Variants in GPC5 observed in about 807,000 individuals in gnomAD.
GPC5 encodes glypican-5.
A neutral mutation model predicts 53.9 loss-of-function variants in GPC5; 47 were observed. That is an observed-to-expected ratio of 0.87 (90% CI 0.69 to 1.11). GPC5 has a LOEUF of 1.11. Ranked by LOEUF, GPC5 falls within the 50% of genes most tolerant of loss-of-function variation. The probability of loss-of-function intolerance (pLI) is 0.00; values close to 1 mark genes in which losing one functional copy is unlikely to be tolerated. For missense variants in GPC5, 748 were observed against 713.1 expected, an observed-to-expected ratio of 1.05 and a Z score of -0.56; for synonymous variants, 286 against 263.3, an observed-to-expected ratio of 1.09 and a Z score of -0.84.
intron 7 of GPC5, among the ~76,000 whole-genome samples, chr13:92,259,032 G>T (rs1458598335): frequency 2.6e-5 from 4 of 152,170 alleles, no homozygotes. Context: ...CCATTCAAGG[G>T]AGTATAAAAT....
intron 6 of GPC5, among the ~76,000 whole-genome samples, chr13:92,072,865 C>T (rs1378455007): frequency 6.6e-6 from 1 of 152,100 alleles, no homozygotes; most frequent in Non-Finnish European, 1.5e-5. Flanking sequence ...AGCACCATGA[C>T]CAACCAAGAG....
chr13:92,277,590 A>G (rs1259189273), intron 7 of GPC5, among the ~76,000 whole-genome samples: 1 of 152,034 alleles, frequency 6.6e-6, no homozygotes, highest in African/African-American at 2.4e-5. Flanking sequence ...AAAAAGATCA[A>G]TAGAATAAGA....
At chr13:92,543,426 G>T (rs749306126) in intron 7 of GPC5, among the ~76,000 whole-genome samples, 4 of 141,428 alleles carry the variant, frequency 2.8e-5, no homozygotes, top group Non-Finnish European at 6.5e-5. Flanking sequence ...TTATTTTGAT[G>T]TTTTTTTTCT....
intron 7 of GPC5, among the ~76,000 whole-genome samples, chr13:92,342,197 G>A (rs547304779): frequency 6.6e-6 from 1 of 152,022 alleles, no homozygotes; most frequent in East Asian, 1.9e-4. Flanking sequence ...CTATTCAGTT[G>A]CCTGCTTTCG....
At chr13:92,043,114 C>T (rs548041231) in intron 6 of GPC5, among the ~76,000 whole-genome samples, 14 of 151,956 alleles carry the variant, frequency 9.2e-5, no homozygotes, top group Admixed American at 6.6e-4. Flanking sequence ...AACAGAATAT[C>T]GAAGACGTGT....
intron 6 of GPC5, among the ~76,000 whole-genome samples, chr13:91,925,093 A>G (rs2039754486): frequency 6.6e-6 from 1 of 152,196 alleles, no homozygotes; most frequent in Non-Finnish European, 1.5e-5. Flanking sequence ...TGCCGGGATT[A>G]CAGGCGTGAG....
At chr13:91,775,601 G>C (rs2037698448) in intron 5 of GPC5, among the ~76,000 whole-genome samples, 1 of 152,126 alleles carries the variant, frequency 6.6e-6, no homozygotes, top group African/African-American at 2.4e-5. Context: ...TCTATGGTTT[G>C]GGGCAGGCAT....
At chr13:92,192,432 T>A (rs1484376549) in intron 7 of GPC5, among the ~76,000 whole-genome samples, 1 of 152,184 alleles carries the variant, frequency 6.6e-6, no homozygotes, top group Non-Finnish European at 1.5e-5. Context: ...ATGGAGCTCA[T>A]TTTTCAAGGA....
At chr13:92,344,976 G>A (rs192797227) in intron 7 of GPC5, among the ~76,000 whole-genome samples, 9 of 152,180 alleles carry the variant, frequency 5.9e-5, no homozygotes, top group African/African-American at 2.2e-4. Flanking sequence ...CAAAAGAAAA[G>A]CAATATGATG....
At chr13:92,203,763 A>AG (rs2042313040) in intron 7 of GPC5, among the ~76,000 whole-genome samples, 1 of 151,172 alleles carries the variant, frequency 6.6e-6, no homozygotes, top group East Asian at 1.9e-4. Context: ...AGGAAAAAAA[A>AG]AAAATCAGCA....
chr13:92,025,056 T>A (rs2040789664), intron 6 of GPC5, among the ~76,000 whole-genome samples: 1 of 152,178 alleles, frequency 6.6e-6, no homozygotes, highest in Non-Finnish European at 1.5e-5. Flanking sequence ...AACTAATCTC[T>A]ACCCTTTCTT....
chr13:91,935,541 A>C (rs934119408), intron 6 of GPC5, among the ~76,000 whole-genome samples: 1 of 151,916 alleles, frequency 6.6e-6, no homozygotes, highest in Admixed American at 6.6e-5. Flanking sequence ...TAGAATTGTA[A>C]AGAAATGATA....
intron 1 of GPC5, among the ~76,000 whole-genome samples, chr13:91,435,842 T>C (rs1879897472): frequency 6.6e-6 from 1 of 152,212 alleles, no homozygotes; most frequent in African/African-American, 2.4e-5. Context: ...TGGTAAGCCA[T>C]TAATTATTGC....
At position 91,632,024 on chromosome 13, in the gene GPC5, G is replaced by A. The variant is rs189213343; in HGVS notation, c.326-61163G>A. On this transcript the variant is annotated intron_variant, in intron 2 of 7. Transcript: ENST00000377067. ...GTATCAGAAGCACTAGCTAGAAATA[G>A]TAAAGTCTAGGGGAGGTAAAACCTC... Among the ~76,000 whole-genome samples the A allele has an allele frequency of 3.0e-3, 452 of 152,218 alleles. 2 individuals carry two copies. Among genetic ancestry groups the A allele is most frequent in the Middle Eastern group, 0.017 (5 of 294 alleles).
intron 7 of GPC5, among the ~76,000 whole-genome samples, chr13:92,425,316 A>G (rs1299927540): frequency 6.6e-6 from 1 of 152,090 alleles, no homozygotes; most frequent in African/African-American, 2.4e-5. Flanking sequence ...TTCTAGATGT[A>G]GTAAAAGTTT....
chr13:91,725,412 C>T (rs533458389), intron 3 of GPC5, among the ~76,000 whole-genome samples: 22 of 152,110 alleles, frequency 1.4e-4, no homozygotes, highest in African/African-American at 5.1e-4. Context: ...AAGGTGCCAC[C>T]CAAATTGGCT....
intron 2 of GPC5, among the ~76,000 whole-genome samples, chr13:91,588,627 C>T (rs968848574): frequency 5.9e-5 from 9 of 152,128 alleles, no homozygotes; most frequent in Admixed American, 1.3e-4. Context: ...CATACATCTT[C>T]ACCTATCCTT....
chr13:92,721,579 T>A (rs1388915999), intron 7 of GPC5: 1 of 152,040 alleles, frequency 6.6e-6, no homozygotes, highest in Admixed American at 6.6e-5. Flanking sequence ...GCAACCTTTG[T>A]TGAAGTGCTC....
At chr13:91,636,945 T>A (rs559523052) in intron 2 of GPC5, among the ~76,000 whole-genome samples, 18 of 152,222 alleles carry the variant, frequency 1.2e-4, no homozygotes, top group Non-Finnish European at 2.2e-4. Flanking sequence ...CAGAGGGAGA[T>A]CTTGTCTCTA....
Sources: allele counts gnomAD v4.1 joint callset (sites outside exome capture counted in the v4.1 genomes callset), GRCh38; gene constraint gnomAD v4.1.1; transcripts MANE v1.5; gene names NCBI Gene and HGNC (gene_info 2026-07-23, HGNC 2026-07-21).